Variants in WDR26 observed in about 807,000 individuals in gnomAD.
WDR26 encodes WD repeat-containing protein 26.
WDR26 carries 5 observed loss-of-function variants against 84.1 expected under a neutral mutation model. That is an observed-to-expected ratio of 0.06 (90% CI 0.03 to 0.13). The LOEUF is 0.13. Ranked by LOEUF, WDR26 falls within the 10% of genes least tolerant of loss-of-function variation. The pLI, the probability that WDR26 is intolerant of heterozygous loss-of-function variation, is 1.00. For missense variants in WDR26, 642 were observed against 974.9 expected (o/e 0.66, Z 4.55); for synonymous variants, 415 against 389.6 (o/e 1.07, Z -0.77).
chr1:224,420,344 A>C (rs1030432801), intron 4 of WDR26, among the ~76,000 whole-genome samples: 3 of 152,198 alleles, frequency 2.0e-5, no homozygotes, highest in Admixed American at 6.5e-5. Context: ...GGTTCTTCTC[A>C]GAAGAATGGG....
Position 224,398,195 on chromosome 1 carries a change from A to G in WDR26, c.1976T>C (p.Val659Ala), listed in dbSNP as rs1407591311. Residue 659 changes from valine to alanine, a missense_variant, in exon 12 of 14, where the codon GTT (valine) becomes GCT (alanine). This residue lies in a region of WDR26 where 351 missense variants were observed against 672.8 expected (regional missense o/e 0.52). Coordinates refer to ENST00000414423, the MANE Select transcript of WDR26 (RefSeq NM_001379403.1). ...AACACCTTGATACTTTCTTACTAAAACTCTGTCTTGCAAGTCCCATAAATG... is the reference window on the plus strand; with the variant it reads ...AACACCTTGATACTTTCTTACTAAAGCTCTGTCTTGCAAGTCCCATAAATG... 2 of 1,613,484 alleles carry G rather than the reference A, an allele frequency of 1.2e-6. No individual in the cohort carries two copies. The highest frequency in any genetic ancestry group is 1.7e-6 in the Non-Finnish European group (2 of 1,179,848).
chr1:224,388,499 T>C lies in WDR26; in HGVS notation c.*1336A>G, dbSNP rs910860048. On this transcript the variant is annotated 3_prime_UTR_variant, in exon 14 of 14. Transcript: ENST00000414423. ...TGAAATTCTCAAAATTAAAAGTGCT[T>C]TTCCATGAAGGAAACCTTTCCTTAA... The C allele has an allele frequency of 1.1e-4, 17 of 152,512 alleles. No individual in the cohort carries two copies. Among genetic ancestry groups the C allele is most frequent in the Non-Finnish European group, 2.1e-4 (14 of 68,038 alleles). The allele number at this position is 152,512 out of a possible 1,614,324, so 9.4% of individuals were successfully genotyped here. A position where few individuals can be genotyped will look rare whatever the true frequency, so the allele number is the denominator to read the frequency against.
chr1:224,426,359 A>G lies in WDR26; in HGVS notation c.928-1705T>C, dbSNP rs945050866. 3.9e-5 allele frequency among the ~76,000 whole-genome samples: 6 copies of G among 152,306 alleles called. No homozygotes were observed. In the East Asian group the frequency reaches 1.2e-3, roughly 29 times the overall value. The stretch of plus-strand genomic sequence containing the variant: ...AGTAAGCAATAATAAACCCTCTCAT[A>G]TAAGTTAGGCATGTATTTAAATTTA... On this transcript the variant is annotated intron_variant, in intron 3 of 13. Coordinates refer to ENST00000414423, the MANE Select transcript of WDR26 (RefSeq NM_001379403.1).
rs1281471820 is a variant in WDR26, at chr1:224,430,195, A to G, written c.927+1282T>C. On this transcript the variant is annotated intron_variant, in intron 3 of 13. Transcript: ENST00000414423. ...ACTGAGGAAACTTTAGTTAACGAAA[A>G]ATTTCCAATCCCTTTGAATATAGAT... 4 of 152,176 alleles carry G rather than the reference A, an allele frequency of 2.6e-5. No homozygotes were observed. The East Asian group carries it at 7.7e-4, about 29-fold the overall frequency. 9.4% of individuals were successfully genotyped at this position (152,176 alleles called of 1,614,324 possible).
chr1:224,432,327 A>C (rs144717817), intron 1 of WDR26, among the ~76,000 whole-genome samples: 366 of 152,314 alleles, frequency 2.4e-3, no homozygotes, highest in Non-Finnish European at 4.0e-3. Context: ...GGTTCCAAAC[A>C]GTCACGAGTT....
intron 12 of WDR26, among the ~76,000 whole-genome samples, 188 bp from the exon 13 acceptor site, chr1:224,394,201 A>C (rs759762852): frequency 6.6e-6 from 1 of 152,204 alleles, no homozygotes; most frequent in Non-Finnish European, 1.5e-5. Context: ...TTTCCTGTTA[A>C]AGGTGATCAG....
At chr1:224,416,541 C>T (rs1054271988) in intron 6 of WDR26, among the ~76,000 whole-genome samples, 2 of 152,270 alleles carry the variant, frequency 1.3e-5, no homozygotes, top group South Asian at 4.1e-4. Flanking sequence ...TGCTTTTCTA[C>T]ACAGGCTTAT....
chr1:224,396,649 C>T (rs572295849), intron 12 of WDR26, among the ~76,000 whole-genome samples: 5 of 152,284 alleles, frequency 3.3e-5, no homozygotes, highest in South Asian at 4.1e-4. Context: ...CGCTGATTTT[C>T]GGTAGAAAGA....
Position 224,393,904 on chromosome 1 carries a change from C to G in WDR26, c.2184G>C (p.Met728Ile). The G allele has an allele frequency of 6.3e-7, 1 of 1,594,382 alleles. No individual in the cohort carries two copies. The highest frequency in any genetic ancestry group is 8.6e-7 in the Non-Finnish European group (1 of 1,164,470). Residue 728 changes from methionine to isoleucine, a missense_variant, in exon 13 of 14, where the codon ATG (methionine) becomes ATC (isoleucine). By Grantham distance (10) the Met-to-Ile change is conservative. Coordinates refer to ENST00000414423, the MANE Select transcript of WDR26 (RefSeq NM_001379403.1). ...TGCCATCATCTGAGGCGCTGGCCATCATGGATGGAATCTGTGGGTTCCAGC... is the reference window on the plus strand; with the variant it reads ...TGCCATCATCTGAGGCGCTGGCCATGATGGATGGAATCTGTGGGTTCCAGC...
In WDR26 at chr1:224,416,732, C is replaced by T. The variant is rs73127505; in HGVS notation, c.1319+1528G>A. 6.4e-3 allele frequency among the ~76,000 whole-genome samples: 972 copies of T among 152,304 alleles called. 11 individuals are homozygous for T. The highest frequency in any genetic ancestry group is 0.022 in the African/African-American group (913 of 41,552). On this transcript the variant is annotated intron_variant, in intron 6 of 13. Coordinates refer to ENST00000414423, the MANE Select transcript of WDR26 (RefSeq NM_001379403.1). The stretch of plus-strand genomic sequence containing the variant: ...TACCTCTTGAACCATTATGTCTAGT[C>T]ACAACCTTTCAAAATATTTAAATTT...
At chr1:224,411,392 T>G in intron 7 of WDR26, 35 bp downstream of exon 7, 2 of 1,559,608 alleles carry the variant, frequency 1.3e-6, no homozygotes, top group South Asian at 1.3e-5. Context: ...AATTATCCCC[T>G]TTTGTAATAT....
chr1:224,390,368 C>A (rs1218288958), intron 13 of WDR26, among the ~76,000 whole-genome samples: 1 of 152,198 alleles, frequency 6.6e-6, no homozygotes, highest in Non-Finnish European at 1.5e-5. Context: ...AATCTGCCTG[C>A]CTTGGCCTCC....
Position 224,414,062 on chromosome 1 carries a change from T to C in WDR26, c.1320-2497A>G, listed in dbSNP as rs1030315659. Among the ~76,000 whole-genome samples, 12 of 152,054 alleles carry C rather than the reference T, an allele frequency of 7.9e-5. 1 individual carries two copies. The highest frequency in any genetic ancestry group is 2.0e-4 in the Admixed American group (3 of 15,256). On this transcript the variant is annotated intron_variant, in intron 6 of 13. Coordinates refer to ENST00000414423, the MANE Select transcript of WDR26 (RefSeq NM_001379403.1). Reference sequence around the variant, plus strand: ...CCTGACCTCACGTGATCCAGCCACTTTGGCCTCTCAAAGTGCTGGGATTAC... The same window carrying C: ...CCTGACCTCACGTGATCCAGCCACTCTGGCCTCTCAAAGTGCTGGGATTAC...
intron 1 of WDR26, 63 bp downstream of exon 1, chr1:224,433,621 T>TC: frequency 1.6e-6 from 1 of 632,424 alleles, no homozygotes; most frequent in Non-Finnish European, 2.0e-6. Flanking sequence ...CCCCTTCCCC[T>TC]ACCCCCCTGG....
At chr1:224,391,385 A>AAAAAAAAAAAC (rs1673124308) in intron 13 of WDR26, among the ~76,000 whole-genome samples, 65 of 45,848 alleles carry the variant, frequency 1.4e-3, no homozygotes, top group East Asian at 1.8e-3. Flanking sequence ...AAAAAAAAAC[A>AAAAAAAAAAAC]AAAAAAAAAC....
At chr1:224,428,186 C>T (rs1481434212) in intron 3 of WDR26, among the ~76,000 whole-genome samples, 1 of 152,178 alleles carries the variant, frequency 6.6e-6, no homozygotes, top group Non-Finnish European at 1.5e-5. Flanking sequence ...CCCTAGTCCA[C>T]CCAATACTGA....
At chr1:224,419,653 C>T in intron 4 of WDR26, 38 bp from the exon 5 acceptor site, 1 of 1,483,762 alleles carries the variant, frequency 6.7e-7, no homozygotes, top group Non-Finnish European at 9.4e-7. Context: ...ATATTAAACC[C>T]ATTTCTTTGT....
At chr1:224,428,194 T>C (rs1047919676) in intron 3 of WDR26, among the ~76,000 whole-genome samples, 2 of 152,210 alleles carry the variant, frequency 1.3e-5, no homozygotes, top group African/African-American at 4.8e-5. Context: ...CACCCAATAC[T>C]GAATTGCTTT....
Position 224,407,151 on chromosome 1 carries a change from A to AATATAT in WDR26, c.1459-2587_1459-2582dup, listed in dbSNP as rs1335487396. ...AAAAAAAAAAAAAAAAAAAAAAAAAAATATATATATATATATATATAACTC... is the reference window on the plus strand; with the variant it reads ...AAAAAAAAAAAAAAAAAAAAAAAAAAATATATATATATATATATATATATATAACTC... On this transcript the variant is annotated intron_variant, in intron 7 of 13. Transcript: ENST00000414423. Among the ~76,000 whole-genome samples, 78 of 11,870 alleles carry AATATAT rather than the reference A, an allele frequency of 6.6e-3. 5 individuals carry two copies. The highest frequency in any genetic ancestry group is 9.5e-3 in the South Asian group (2 of 210). The allele number at this position is 11,870 out of a possible 152,430, so 7.8% of individuals were successfully genotyped here. A position where few individuals can be genotyped will look rare whatever the true frequency, so the allele number is the denominator to read the frequency against.
Sources: gnomAD v4.1 joint callset for allele counts (sites outside exome capture counted in the v4.1 genomes callset) on GRCh38, gnomAD v4.1.1 for gene constraint, gnomAD v4.1.1 regional missense constraint, MANE v1.5 for transcripts, NCBI Gene and HGNC (gene_info 2026-07-23, HGNC 2026-07-21) for gene names.